Variants in GLRB observed in about 807,000 individuals in gnomAD.
GLRB encodes glycine receptor beta.
Under a neutral mutation model 54.2 loss-of-function variants are expected in GLRB, and 33 were observed. That is an observed-to-expected ratio of 0.61 (90% CI 0.46 to 0.81). The LOEUF is 0.81. GLRB is among the 40% of genes least tolerant of loss of function. GLRB has a pLI of 0.00. For synonymous variants in GLRB, 209 were observed against 208.2 expected (o/e 1.00, Z -0.03); for missense variants, 572 against 584.6 (o/e 0.98, Z 0.22).
intron 2 of GLRB, among the ~76,000 whole-genome samples, chr4:157,087,934 G>A (rs1208331960): frequency 1.3e-5 from 2 of 151,996 alleles, no homozygotes; most frequent in South Asian, 2.1e-4. Context: ...CTTTATAAAT[G>A]AATTCCTTTA....
At chr4:157,076,868 G>A (rs750994443) in intron 1 of GLRB, among the ~76,000 whole-genome samples, 5 of 149,542 alleles carry the variant, frequency 3.3e-5, no homozygotes, top group Non-Finnish European at 7.4e-5. Context: ...GTTGCTGTTG[G>A]TCTGATGAGC....
intron 4 of GLRB, among the ~76,000 whole-genome samples, chr4:157,124,470 C>T (rs11930442): frequency 0.28 from 42,278 of 151,636 alleles, 8,638 homozygotes; most frequent in African/African-American, 0.58. Context: ...ATTCTACTTA[C>T]TCATTTTTCC....
At chr4:157,166,351 A>G (rs1219704060) in intron 9 of GLRB, among the ~76,000 whole-genome samples, 5 of 151,976 alleles carry the variant, frequency 3.3e-5, no homozygotes, top group African/African-American at 1.2e-4. Context: ...AGTTTATTTC[A>G]TCTCTTTTCA....
chr4:157,169,900 A>G (rs1264494587), intron 9 of GLRB, among the ~76,000 whole-genome samples: 1 of 152,206 alleles, frequency 6.6e-6, no homozygotes, highest in Non-Finnish European at 1.5e-5. Flanking sequence ...ATTCATGACA[A>G]TTGTGACCAT....
chr4:157,145,811 A>G (rs1736785560), intron 8 of GLRB, among the ~76,000 whole-genome samples: 1 of 152,030 alleles, frequency 6.6e-6, no homozygotes, highest in South Asian at 2.1e-4. Flanking sequence ...AGGTGAAGAA[A>G]TGAGTCATTT....
At chr4:157,137,851 G>A (rs1579230497) in intron 6 of GLRB, among the ~76,000 whole-genome samples, 3 of 152,126 alleles carry the variant, frequency 2.0e-5, no homozygotes, top group East Asian at 3.8e-4. Flanking sequence ...ATTACTGGAT[G>A]CACTAAAATA....
At chr4:157,156,972 T>C (rs1400633320) in intron 9 of GLRB, among the ~76,000 whole-genome samples, 1 of 152,188 alleles carries the variant, frequency 6.6e-6, no homozygotes, top group Non-Finnish European at 1.5e-5. Flanking sequence ...TGCTGCTTCA[T>C]TACTTCCAAG....
At chr4:157,095,046 A>G (rs944489855) in intron 2 of GLRB, among the ~76,000 whole-genome samples, 60 of 152,348 alleles carry the variant, frequency 3.9e-4, no homozygotes, top group South Asian at 4.1e-4. Flanking sequence ...GAGAACTAGA[A>G]CTTTGGTCGT....
chr4:157,102,685 GA>G (rs1314580194), intron 2 of GLRB, among the ~76,000 whole-genome samples: 3 of 152,112 alleles, frequency 2.0e-5, no homozygotes, highest in Non-Finnish European at 4.4e-5. Flanking sequence ...TTGATGGAGG[GA>G]AAATCGAGAC....
chr4:157,094,629 G>T (rs913968083), intron 2 of GLRB, among the ~76,000 whole-genome samples: 4 of 152,178 alleles, frequency 2.6e-5, no homozygotes, highest in Non-Finnish European at 4.4e-5. Flanking sequence ...TGTAAAAGTG[G>T]TCAACTTCAT....
In GLRB at chr4:157,170,620, G is replaced by T; in HGVS notation, c.1386G>T (p.Ala462=). The T allele has an allele frequency of 6.2e-7, 1 of 1,612,742 alleles. No individual in the cohort carries two copies. The highest frequency in any genetic ancestry group is 8.5e-7 in the Non-Finnish European group (1 of 1,178,982). Reference sequence around the variant, plus strand: ...AGAACAACAAGAAGCCTCCCCCTGCGAAACCTGTTATTCCAACAGCAGCAA... The same window carrying T: ...AGAACAACAAGAAGCCTCCCCCTGCTAAACCTGTTATTCCAACAGCAGCAA... ...QAKNNKKPPP[A]KPVIPTAAKR... is the part of the protein sequence containing the mutation. Residue 462 remains alanine, a synonymous_variant, in exon 10 of 10, where the codon GCG becomes GCT. Coordinates refer to ENST00000264428, the MANE Select transcript of GLRB (RefSeq NM_000824.5).
chr4:157,080,931 A>T (rs925243423), intron 2 of GLRB, among the ~76,000 whole-genome samples: 1 of 152,136 alleles, frequency 6.6e-6, no homozygotes, highest in African/African-American at 2.4e-5. Context: ...TAGAGGAAAC[A>T]TGTTTTAAAA....
At chr4:157,167,022 C>A (rs1370447331) in intron 9 of GLRB, among the ~76,000 whole-genome samples, 1 of 151,932 alleles carries the variant, frequency 6.6e-6, no homozygotes, top group Non-Finnish European at 1.5e-5. Flanking sequence ...AAAACCACAC[C>A]TAAAATGATA....
intron 9 of GLRB, among the ~76,000 whole-genome samples, chr4:157,158,487 C>A (rs1737327914): frequency 6.6e-6 from 1 of 152,156 alleles, no homozygotes. Flanking sequence ...AGTCTTTAAT[C>A]CATCTTGAAT....
chr4:157,120,618 G>C lies in GLRB; in HGVS notation c.185G>C (p.Arg62Thr). 6.3e-7 allele frequency: 1 copy of C among 1,599,154 alleles called. No individual in the cohort carries two copies. The highest frequency in any genetic ancestry group is 2.2e-5 in the East Asian group (1 of 44,452). Residue 62 changes from arginine (R) to threonine (T), a missense_variant, in exon 3 of 10, where the codon AGG (arginine) becomes ACG (threonine). Coordinates refer to ENST00000264428, the MANE Select transcript of GLRB (RefSeq NM_000824.5). Reference sequence around the variant, plus strand: ...AACTCCACTAGCAATATCTTGAACAGGTTATTGGTCAGTTATGATCCCAGG... The same window carrying C: ...AACTCCACTAGCAATATCTTGAACACGTTATTGGTCAGTTATGATCCCAGG... ...PANSTSNILN[R>T]LLVSYDPRIR...
At chr4:157,151,685 A>G (rs954276910) in intron 8 of GLRB, among the ~76,000 whole-genome samples, 1 of 152,130 alleles carries the variant, frequency 6.6e-6, no homozygotes, top group African/African-American at 2.4e-5. Context: ...ACTGATTATT[A>G]ATACTAATAT....
chr4:157,091,354 A>G (rs1734604136), intron 2 of GLRB: 1 of 152,194 alleles, frequency 6.6e-6, no homozygotes, highest in African/African-American at 2.4e-5. Context: ...TCTTTCTGCT[A>G]CTATATGATG....
intron 4 of GLRB, among the ~76,000 whole-genome samples, chr4:157,124,681 A>G (rs1560956051): frequency 6.6e-6 from 1 of 151,842 alleles, no homozygotes; most frequent in Non-Finnish European, 1.5e-5. Context: ...TGTCGTTACT[A>G]CAGAGTGTAA....
chr4:157,098,195 A>G (rs1001742979), intron 2 of GLRB, among the ~76,000 whole-genome samples: 1 of 152,148 alleles, frequency 6.6e-6, no homozygotes, highest in African/African-American at 2.4e-5. Context: ...TTTCTTCAAT[A>G]TCATATCTGT....
Sources: gnomAD v4.1 joint callset for allele counts (sites outside exome capture counted in the v4.1 genomes callset) on GRCh38, gnomAD v4.1.1 for gene constraint, MANE v1.5 for transcripts, NCBI Gene and HGNC (gene_info 2026-07-23, HGNC 2026-07-21) for gene names.